Variants in CAPS2 observed in about 807,000 individuals in gnomAD.
CAPS2 encodes the protein calcyphosine 2.
CAPS2 carries 98 observed loss-of-function variants against 86.5 expected under a neutral mutation model. The ratio of observed to expected loss-of-function variants is 1.13; its 90% CI spans 0.96 to 1.34. The LOEUF is 1.34. CAPS2 is among the 40% of genes most tolerant of loss of function. CAPS2 has a pLI of 0.00. For missense variants in CAPS2, 729 were observed against 686.8 expected, an observed-to-expected ratio of 1.06 and a Z score of -0.69; for synonymous variants, 210 against 225.1, an observed-to-expected ratio of 0.93 and a Z score of 0.60.
intron 1 of CAPS2, among the ~76,000 whole-genome samples, chr12:75,358,046 A>T (rs2043269720): frequency 6.6e-6 from 1 of 151,710 alleles, no homozygotes; most frequent in Non-Finnish European, 1.5e-5. Context: ...AGTTAAAAAC[A>T]TCGATGAAAA....
At chr12:75,314,787 T>G (rs556378607) in intron 6 of CAPS2, among the ~76,000 whole-genome samples, 1 of 152,192 alleles carries the variant, frequency 6.6e-6, no homozygotes, top group South Asian at 2.1e-4. Flanking sequence ...AGAAAGCCCA[T>G]CTTCAGTGTT....
At chr12:75,356,151 T>C (rs549094088) in intron 1 of CAPS2, among the ~76,000 whole-genome samples, 92 of 151,744 alleles carry the variant, frequency 6.1e-4, no homozygotes, top group Non-Finnish European at 1.2e-3. Flanking sequence ...AACAAAAATA[T>C]AATTTAAAAA....
At position 75,384,804 on chromosome 12, in the gene CAPS2, A is replaced by T. The variant is rs564230910; in HGVS notation, c.-395+6034T>A. The stretch of plus-strand genomic sequence containing the variant: ...AACAACGTATAAAAATAATTATATT[A>T]CATGATGGAGTGGAATTTATTCCAG... On this transcript the variant is annotated intron_variant, in intron 1 of 5. Transcript: ENST00000551829. Among the ~76,000 whole-genome samples the T allele has an allele frequency of 2.0e-5, 3 of 152,336 alleles. No homozygotes were observed. In the South Asian group the frequency reaches 6.2e-4, roughly 32 times the overall value.
chr12:75,285,222 C>A (rs2034657543), intron 14 of CAPS2, 142 bp from the exon 15 acceptor site: 1 of 747,196 alleles, frequency 1.3e-6, no homozygotes, highest in East Asian at 3.2e-5. Flanking sequence ...ACATAAAAAT[C>A]CAATCAAAAC....
chr12:75,284,461 T>C (rs999923453), intron 15 of CAPS2, among the ~76,000 whole-genome samples: 1 of 152,152 alleles, frequency 6.6e-6, no homozygotes. Flanking sequence ...ATGATTATCT[T>C]AATTTACAAG....
At chr12:75,343,586 C>A in intron 1 of CAPS2, 1 of 843,820 alleles carries the variant, frequency 1.2e-6, no homozygotes, top group Non-Finnish European at 1.8e-6. Context: ...AAAACTACAT[C>A]TTATTAAAAT....
At chr12:75,323,691 C>T (rs999773722) in intron 2 of CAPS2, among the ~76,000 whole-genome samples, 4 of 152,108 alleles carry the variant, frequency 2.6e-5, no homozygotes, top group East Asian at 1.9e-4. Context: ...TGTGGTGAGC[C>T]GAGATTGCGC....
intron 1 of CAPS2, chr12:75,390,252 A>G: frequency 4.4e-6 from 2 of 455,448 alleles, no homozygotes; most frequent in South Asian, 1.6e-5. Flanking sequence ...AACAGATCAG[A>G]CCAAAATCAG....
chr12:75,334,650 G>A (rs1400972450), upstream of CAPS2: 106 of 1,550,238 alleles, frequency 6.8e-5, no homozygotes, highest in Non-Finnish European at 9.0e-5. Context: ...CGTGGTGCGG[G>A]GGCGTGGGGA....
At chr12:75,365,903 A>G (rs1247454267) in intron 1 of CAPS2, among the ~76,000 whole-genome samples, 1 of 152,174 alleles carries the variant, frequency 6.6e-6, no homozygotes, top group Non-Finnish European at 1.5e-5. Flanking sequence ...CAAAAATTAC[A>G]CAAGCAAAGA....
downstream of CAPS2, chr12:75,276,861 T>C: frequency 2.1e-6 from 2 of 971,224 alleles, no homozygotes; most frequent in Non-Finnish European, 2.4e-6. Context: ...TTTTAACATT[T>C]TCAAAAGGTC....
chr12:75,277,334 A>T lies in CAPS2; in HGVS notation c.*1556T>A, dbSNP rs2033106321. 6.2e-6 allele frequency: 6 copies of T among 970,208 alleles called. No individual in the cohort carries two copies. The South Asian group carries it at 1.9e-4, about 31-fold the overall frequency. 60.1% of individuals were successfully genotyped at this position (970,208 alleles called of 1,614,324 possible). A position where few individuals can be genotyped will look rare whatever the true frequency, so the allele number is the denominator to read the frequency against. The stretch of plus-strand genomic sequence containing the variant: ...TAAATAAAAATTATCAATGAAAAAC[A>T]CTATATGCATATTGAGCACCCCCAG... On this transcript the variant is annotated 3_prime_UTR_variant, in exon 17 of 17. Coordinates refer to ENST00000393284, the Ensembl canonical transcript of CAPS2.
At chr12:75,359,097 G>A (rs2043369472) in intron 1 of CAPS2, among the ~76,000 whole-genome samples, 1 of 150,072 alleles carries the variant, frequency 6.7e-6, no homozygotes, top group South Asian at 2.1e-4. Context: ...AAACAAATAA[G>A]TTTAGCAATC....
chr12:75,287,068 G>GCA (rs1257630977), intron 14 of CAPS2, among the ~76,000 whole-genome samples: 2 of 149,942 alleles, frequency 1.3e-5, no homozygotes, highest in Non-Finnish European at 1.5e-5. Context: ...ACACACGCAA[G>GCA]CACACACACA....
intron 1 of CAPS2, chr12:75,366,857 G>A (rs549934725): frequency 2.7e-4 from 192 of 700,870 alleles, no homozygotes; most frequent in Non-Finnish European, 3.6e-4. Context: ...TTTCTTGAAT[G>A]AGTCTTTTAA....
At chr12:75,305,604 C>A in intron 7 of CAPS2, 1 of 612,932 alleles carries the variant, frequency 1.6e-6, no homozygotes, top group South Asian at 1.4e-5. Flanking sequence ...CTGCCCCAGG[C>A]CCCGAGCGAC....
Position 75,291,810 on chromosome 12 carries a change from T to C in CAPS2, c.1174A>G (p.Met392Val), listed in dbSNP as rs200740298. The C allele has an allele frequency of 3.9e-6, 6 of 1,544,162 alleles. No individual in the cohort carries two copies. Among genetic ancestry groups the C allele is most frequent in the East Asian group, 2.3e-5 (1 of 42,848 alleles). Reference sequence around the variant, plus strand: ...ATGATTATATCATCCTCCTGTTCCATAGAAGCAGTTCTGCAATTGACATGT... The same window carrying C: ...ATGATTATATCATCCTCCTGTTCCACAGAAGCAGTTCTGCAATTGACATGT... The change falls in exon 13 of 17, where the codon ATG becomes GTG. Residue 392 changes from methionine to valine, a missense_variant. Transcript: ENST00000393284.
intron 1 of CAPS2, among the ~76,000 whole-genome samples, chr12:75,372,521 C>G (rs140497050): frequency 6.6e-6 from 1 of 152,098 alleles, no homozygotes; most frequent in Non-Finnish European, 1.5e-5. Context: ...GTCATGGGAA[C>G]AGGAAGCAAA....
chr12:75,370,103 C>A, intron 1 of CAPS2: 1 of 1,605,674 alleles, frequency 6.2e-7, no homozygotes, highest in African/African-American at 1.3e-5. Flanking sequence ...TTTCTGAAGC[C>A]AACGGGGAGA....
Sources: allele counts gnomAD v4.1 joint callset (sites outside exome capture counted in the v4.1 genomes callset), GRCh38; gene constraint gnomAD v4.1.1; transcripts MANE v1.5; gene names NCBI Gene and HGNC (gene_info 2026-07-23, HGNC 2026-07-21).